CPPED1: variants seen among roughly 807,000 people sequenced by gnomAD.
CPPED1 encodes the protein calcineurin like phosphoesterase domain containing 1.
In CPPED1, 28 loss-of-function variants were observed where a neutral mutation model predicts 28.0. The observed-to-expected ratio is 1.00, with a 90% CI of 0.74 to 1.37. The LOEUF is 1.37. Among genes scored for constraint, CPPED1 ranks in the 40% most tolerant of loss-of-function variants. The pLI, the probability that CPPED1 is intolerant of heterozygous loss-of-function variation, is 0.00. For synonymous variants in CPPED1, 198 were observed against 180.2 expected (o/e 1.10, Z -0.79); for missense variants, 504 against 416.5 (o/e 1.21, Z -1.83).
intron 2 of CPPED1, among the ~76,000 whole-genome samples, chr16:12,708,930 A>G (rs2080065606): frequency 6.6e-6 from 1 of 152,152 alleles, no homozygotes; most frequent in Non-Finnish European, 1.5e-5. Context: ...AAATACAAAA[A>G]TTAGCTGGGC....
chr16:12,681,256 G>A (rs955572985), intron 3 of CPPED1, among the ~76,000 whole-genome samples: 2 of 152,054 alleles, frequency 1.3e-5, no homozygotes, highest in Non-Finnish European at 1.5e-5. Flanking sequence ...GGTCACGGGG[G>A]CTCTGCCCTC....
At chr16:12,772,893 T>A (rs370022784) in intron 2 of CPPED1, among the ~76,000 whole-genome samples, 1 of 152,204 alleles carries the variant, frequency 6.6e-6, no homozygotes, top group South Asian at 2.1e-4. Flanking sequence ...TACTTCAAGC[T>A]GGGACTCGGG....
chr16:12,773,543 T>C (rs1237867945), intron 2 of CPPED1, among the ~76,000 whole-genome samples: 7 of 152,012 alleles, frequency 4.6e-5, no homozygotes, highest in African/African-American at 1.7e-4. Flanking sequence ...GGCAACATGG[T>C]GAAACCCCGT....
At position 12,699,734 on chromosome 16, in the gene CPPED1, C is replaced by T. The variant is rs181164752; in HGVS notation, c.715+4890G>A. 7.9e-5 allele frequency among the ~76,000 whole-genome samples: 12 copies of T among 152,200 alleles called. No homozygotes were observed. In the East Asian group the frequency reaches 2.3e-3, roughly 29 times the overall value. On this transcript the variant is annotated intron_variant, in intron 3 of 3. Transcript: ENST00000381774. ...TGAGCTTTTGACATATTTTTGAGTA[C>T]TGGCATTTCAGCACAAGGAGATAAA...
intron 2 of CPPED1, among the ~76,000 whole-genome samples, chr16:12,777,332 A>G (rs1313804550): frequency 6.6e-6 from 1 of 152,208 alleles, no homozygotes; most frequent in Non-Finnish European, 1.5e-5. Context: ...TAAAGGTATC[A>G]TCATGTTCTG....
At chr16:12,711,418 T>C (rs1253396430) in intron 2 of CPPED1, among the ~76,000 whole-genome samples, 2 of 152,174 alleles carry the variant, frequency 1.3e-5, no homozygotes, top group African/African-American at 4.8e-5. Flanking sequence ...GTGATGATGG[T>C]TGCACAACAA....
At chr16:12,692,910 T>C (rs976570328) in intron 3 of CPPED1, among the ~76,000 whole-genome samples, 1 of 152,198 alleles carries the variant, frequency 6.6e-6, no homozygotes, top group Non-Finnish European at 1.5e-5. Flanking sequence ...CACAACTGCC[T>C]GACATGGCCC....
intron 2 of CPPED1, chr16:12,761,276 C>CAAAAAAAAAAAAAAAAAGAAAA (rs2080408378): frequency 1.4e-5 from 1 of 69,384 alleles, no homozygotes; most frequent in African/African-American, 5.0e-5. Flanking sequence ...GACTCTGTCT[C>CAAAAAAAAAAAAAAAAAGAAAA]AAAAAAAAAA....
chr16:12,742,978 T>C (rs1196064456), intron 2 of CPPED1, among the ~76,000 whole-genome samples: 3 of 152,204 alleles, frequency 2.0e-5, no homozygotes, highest in East Asian at 1.9e-4. Context: ...TGTGACAACA[T>C]GTGTGGCATT....
chr16:12,792,830 C>T (rs1287942929), intron 1 of CPPED1, among the ~76,000 whole-genome samples: 1 of 152,196 alleles, frequency 6.6e-6, no homozygotes, highest in Non-Finnish European at 1.5e-5. Context: ...GATTGTGAGG[C>T]CTCCCCAGCC....
intron 1 of CPPED1, among the ~76,000 whole-genome samples, chr16:12,800,373 G>A (rs2080651886): frequency 1.3e-5 from 2 of 151,428 alleles, no homozygotes; most frequent in African/African-American, 2.4e-5. Context: ...GGGAGGTGGA[G>A]GTTGCAGTGA....
intron 2 of CPPED1, among the ~76,000 whole-genome samples, chr16:12,711,070 C>A (rs754515940): frequency 2.6e-5 from 4 of 152,182 alleles, no homozygotes; most frequent in Admixed American, 2.0e-4. Flanking sequence ...ATAGCTTAAA[C>A]ATGGAAGCAA....
At chr16:12,718,765 C>G (rs1479679822) in intron 2 of CPPED1, among the ~76,000 whole-genome samples, 1 of 151,770 alleles carries the variant, frequency 6.6e-6, no homozygotes, top group African/African-American at 2.4e-5. Flanking sequence ...GAGTTCAAGA[C>G]CAGCCTGGCC....
At chr16:12,802,119 T>C (rs1406476297) in intron 1 of CPPED1, among the ~76,000 whole-genome samples, 1 of 152,078 alleles carries the variant, frequency 6.6e-6, no homozygotes, top group Non-Finnish European at 1.5e-5. Context: ...AGCCCACCGA[T>C]GTAGCTCACG....
chr16:12,803,360 G>A (rs777604943), intron 1 of CPPED1, among the ~76,000 whole-genome samples: 11 of 152,216 alleles, frequency 7.2e-5, no homozygotes, highest in Non-Finnish European at 1.6e-4. Context: ...CACAGATGTG[G>A]AAGCTGAGGC....
At chr16:12,720,709 C>G (rs1007257544) in intron 2 of CPPED1, among the ~76,000 whole-genome samples, 1 of 152,144 alleles carries the variant, frequency 6.6e-6, no homozygotes, top group Admixed American at 6.6e-5. Context: ...GCTGGTTGAC[C>G]TCAGGTGATC....
chr16:12,789,759 T>G (rs1307758708), intron 1 of CPPED1, among the ~76,000 whole-genome samples: 2 of 152,098 alleles, frequency 1.3e-5, no homozygotes, highest in Non-Finnish European at 2.9e-5. Flanking sequence ...ACTCCTGAGC[T>G]CGAGTGATCA....
At chr16:12,691,560 A>C (rs2079962850) in intron 3 of CPPED1, among the ~76,000 whole-genome samples, 1 of 152,104 alleles carries the variant, frequency 6.6e-6, no homozygotes, top group African/African-American at 2.4e-5. Flanking sequence ...CTTGGAACCA[A>C]CCCAAATGTC....
intron 2 of CPPED1, among the ~76,000 whole-genome samples, chr16:12,751,213 G>C (rs2080326144): frequency 6.6e-6 from 1 of 152,194 alleles, no homozygotes; most frequent in Non-Finnish European, 1.5e-5. Context: ...CTCAGGGAGA[G>C]GTGGCTACCT....
Sources: allele counts gnomAD v4.1 joint callset (sites outside exome capture counted in the v4.1 genomes callset), GRCh38; gene constraint gnomAD v4.1.1; transcripts MANE v1.5; gene names NCBI Gene and HGNC (gene_info 2026-07-23, HGNC 2026-07-21).